Variants in SUMF1 observed in about 807,000 individuals in gnomAD.
SUMF1 encodes the protein sulfatase modifying factor 1.
A neutral mutation model predicts 47.6 loss-of-function variants in SUMF1; 48 were observed. The ratio of observed to expected loss-of-function variants is 1.01; its 90% CI spans 0.80 to 1.28. The LOEUF (loss-of-function observed/expected upper bound fraction) is 1.28, where lower values mean the gene tolerates loss of function less well. Among genes scored for constraint, SUMF1 ranks in the 50% most tolerant of loss-of-function variants. The probability of loss-of-function intolerance (pLI) is 0.00; values close to 1 mark genes in which losing one functional copy is unlikely to be tolerated. For synonymous variants in SUMF1, 230 were observed against 192.1 expected, an observed-to-expected ratio of 1.20 and a Z score of -1.63; for missense variants, 571 against 485.4, an observed-to-expected ratio of 1.18 and a Z score of -1.66.
intron 9 of SUMF1, among the ~76,000 whole-genome samples, chr3:4,067,790 C>G (rs1347945008): frequency 6.6e-6 from 1 of 152,104 alleles, no homozygotes; most frequent in Non-Finnish European, 1.5e-5. Context: ...AGTTTTGGGT[C>G]CAAACTCAAC....
At chr3:4,134,338 G>A (rs934330251) in intron 8 of SUMF1, among the ~76,000 whole-genome samples, 7 of 152,066 alleles carry the variant, frequency 4.6e-5, no homozygotes, top group African/African-American at 1.7e-4. Context: ...TCAACTACAT[G>A]GAAAACGAAC....
chr3:4,337,220 TC>T (rs1699172706), intron 8 of SUMF1, among the ~76,000 whole-genome samples: 2 of 43,286 alleles, frequency 4.6e-5, no homozygotes, highest in African/African-American at 3.5e-4. Context: ...CTTTCTTCCT[TC>T]CTTCCTTCCT....
At chr3:4,423,125 C>G (rs892128351) in intron 3 of SUMF1, among the ~76,000 whole-genome samples, 2 of 152,154 alleles carry the variant, frequency 1.3e-5, no homozygotes, top group African/African-American at 2.4e-5. Context: ...ACCACTTGAT[C>G]CAGCAATCCC....
intron 8 of SUMF1, among the ~76,000 whole-genome samples, chr3:4,172,971 G>T (rs1230543193): frequency 6.6e-6 from 1 of 152,026 alleles, no homozygotes; most frequent in Non-Finnish European, 1.5e-5. Flanking sequence ...TTCTTCTACG[G>T]TTTCTATGGT....
chr3:4,199,291 C>A (rs1482464312), intron 8 of SUMF1, among the ~76,000 whole-genome samples: 1 of 152,144 alleles, frequency 6.6e-6, no homozygotes, highest in Non-Finnish European at 1.5e-5. Flanking sequence ...GAAGTTCATT[C>A]ATGTTGTTAC....
chr3:4,269,471 T>A (rs1697262946), intron 8 of SUMF1, among the ~76,000 whole-genome samples: 1 of 152,214 alleles, frequency 6.6e-6, no homozygotes, highest in South Asian at 2.1e-4. Context: ...CCAGAGCTAG[T>A]CATGAATCAT....
chr3:4,443,332 A>T (rs1702669491), intron 3 of SUMF1, among the ~76,000 whole-genome samples: 1 of 152,156 alleles, frequency 6.6e-6, no homozygotes, highest in South Asian at 2.1e-4. Flanking sequence ...GATGCAAGAG[A>T]GAACAAAATA....
At chr3:4,409,454 C>T (rs532294548) in intron 7 of SUMF1, among the ~76,000 whole-genome samples, 4 of 152,292 alleles carry the variant, frequency 2.6e-5, no homozygotes, top group Admixed American at 2.0e-4. Flanking sequence ...AGCTCTAAAA[C>T]TGAAAGCTAA....
intron 8 of SUMF1, among the ~76,000 whole-genome samples, chr3:4,354,842 G>A (rs578104148): frequency 6.6e-6 from 1 of 152,280 alleles, no homozygotes; most frequent in East Asian, 1.9e-4. Context: ...CAGTATCTGG[G>A]AAGCACTTAT....
At chr3:4,440,984 C>CT (rs34444528) in intron 3 of SUMF1, among the ~76,000 whole-genome samples, 34,922 of 152,010 alleles carry the variant, frequency 0.23, 5,009 homozygotes, top group Non-Finnish European at 0.31. Context: ...AAATACTATC[C>CT]TTTTTTTCAA....
At chr3:4,238,196 G>A (rs1380527996) in intron 8 of SUMF1, among the ~76,000 whole-genome samples, 1 of 151,994 alleles carries the variant, frequency 6.6e-6, no homozygotes, top group Non-Finnish European at 1.5e-5. Context: ...GCATTTGGGT[G>A]GGTTCCAAGT....
chr3:4,202,909 C>A (rs1264195829), intron 8 of SUMF1, among the ~76,000 whole-genome samples: 1 of 151,708 alleles, frequency 6.6e-6, no homozygotes, highest in Non-Finnish European at 1.5e-5. Flanking sequence ...CTATTGATTT[C>A]TAGTTTTATT....
intron 8 of SUMF1, among the ~76,000 whole-genome samples, chr3:4,127,773 G>GA (rs1693689294): frequency 6.6e-6 from 1 of 152,144 alleles, no homozygotes; most frequent in Non-Finnish European, 1.5e-5. Flanking sequence ...TAGACGAACA[G>GA]AATATAAAGG....
intron 8 of SUMF1, among the ~76,000 whole-genome samples, chr3:4,250,362 A>G (rs994293836): frequency 3.9e-5 from 6 of 152,042 alleles, no homozygotes; most frequent in Admixed American, 3.9e-4. Flanking sequence ...AAGGAAAGAA[A>G]GTAATCTAGC....
chr3:4,232,480 G>C (rs939111802), intron 8 of SUMF1, among the ~76,000 whole-genome samples: 23 of 151,996 alleles, frequency 1.5e-4, no homozygotes, highest in African/African-American at 5.6e-4. Context: ...AGATTCCATA[G>C]AGAGACAAGC....
chr3:4,217,175 T>G (rs985467838), intron 8 of SUMF1, among the ~76,000 whole-genome samples: 11 of 151,958 alleles, frequency 7.2e-5, no homozygotes, highest in Non-Finnish European at 1.3e-4. Context: ...CATGGAATAC[T>G]ATGCAGCCAT....
intron 9 of SUMF1, among the ~76,000 whole-genome samples, chr3:4,046,602 A>C (rs1695011462): frequency 6.6e-6 from 1 of 152,116 alleles, no homozygotes; most frequent in South Asian, 2.1e-4. Flanking sequence ...TCAACTACCC[A>C]TTCCCTTTAC....
intron 8 of SUMF1, among the ~76,000 whole-genome samples, chr3:4,101,047 C>T (rs1420038029): frequency 2.0e-5 from 3 of 151,682 alleles, no homozygotes; most frequent in Non-Finnish European, 2.9e-5. Flanking sequence ...TTTTATACAC[C>T]GTCGGTGATA....
chr3:4,095,944 C>T (rs1031436397), intron 8 of SUMF1, among the ~76,000 whole-genome samples: 1 of 152,010 alleles, frequency 6.6e-6, no homozygotes, highest in Non-Finnish European at 1.5e-5. Flanking sequence ...ATTGATTTTT[C>T]TCTTCAGTCT....
Sources: gnomAD v4.1 joint callset for allele counts (sites outside exome capture counted in the v4.1 genomes callset) on GRCh38, gnomAD v4.1.1 for gene constraint, MANE v1.5 for transcripts, NCBI Gene and HGNC (gene_info 2026-07-23, HGNC 2026-07-21) for gene names.